The following AUTS2 variants were observed in gnomAD, a reference collection of about 807,000 sequenced individuals.
AUTS2 encodes activator of transcription and developmental regulator AUTS2, also known as autism susceptibility gene 2 protein.
AUTS2 carries 17 observed loss-of-function variants against 112.4 expected under a neutral mutation model. That is an observed-to-expected ratio of 0.15 (90% CI 0.10 to 0.23). The LOEUF (loss-of-function observed/expected upper bound fraction) is 0.23, where lower values mean the gene tolerates loss of function less well. Ranked by LOEUF, AUTS2 falls within the 10% of genes least tolerant of loss-of-function variation. The probability of loss-of-function intolerance (pLI) is 1.00; values close to 1 mark genes in which losing one functional copy is unlikely to be tolerated. For synonymous variants in AUTS2, 751 were observed against 702.7 expected (o/e 1.07, Z -1.09); for missense variants, 1,510 against 1,701.6 (o/e 0.89, Z 1.98).
At chr7:70,399,198 C>T (rs142704506) in intron 4 of AUTS2, among the ~76,000 whole-genome samples, 8 of 151,752 alleles carry the variant, frequency 5.3e-5, no homozygotes, top group South Asian at 2.1e-4. Context: ...CTAGGTTGCC[C>T]AGGCTGGTCT....
intron 6 of AUTS2, among the ~76,000 whole-genome samples, chr7:70,727,772 T>C (rs1210870163): frequency 6.6e-6 from 1 of 152,218 alleles, no homozygotes; most frequent in Non-Finnish European, 1.5e-5. Flanking sequence ...GGCAGTAAAT[T>C]TCAGACCTGA....
chr7:70,375,478 C>T (rs988435009), intron 4 of AUTS2, among the ~76,000 whole-genome samples: 3 of 152,180 alleles, frequency 2.0e-5, no homozygotes, highest in African/African-American at 4.8e-5. Context: ...GCCAATTTTA[C>T]GTCCAACTAG....
chr7:70,018,659 G>A (rs377379483), intron 2 of AUTS2, among the ~76,000 whole-genome samples: 2 of 152,270 alleles, frequency 1.3e-5, no homozygotes, highest in South Asian at 4.1e-4. Flanking sequence ...GACTTAAGTT[G>A]TACTTTATAA....
intron 6 of AUTS2, among the ~76,000 whole-genome samples, chr7:70,713,057 A>G (rs551660807): frequency 4.2e-4 from 64 of 152,320 alleles, no homozygotes; most frequent in African/African-American, 1.5e-3. Flanking sequence ...CTAGGCCTGT[A>G]CCTAGGGCTC....
intron 4 of AUTS2, among the ~76,000 whole-genome samples, chr7:70,361,424 A>G (rs1792260843): frequency 6.6e-6 from 1 of 151,904 alleles, no homozygotes; most frequent in Admixed American, 6.6e-5. Context: ...CTCAGTGTTC[A>G]TTTGTCATTA....
Position 69,899,283 on chromosome 7 carries a change from C to T in AUTS2, c.310-3C>T, listed in dbSNP as rs868794026. 2.5e-6 allele frequency: 4 copies of T among 1,610,082 alleles called. No homozygotes were observed. The Middle Eastern group carries it at 5.0e-4, about 200-fold the overall frequency. On this transcript the variant is annotated splice_region_variant and splice_polypyrimidine_tract_variant and intron_variant, in intron 1 of 18. Coordinates refer to ENST00000342771, the MANE Select transcript of AUTS2 (RefSeq NM_015570.4). Reference sequence around the variant, plus strand: ...TTCCCTTTCCTTCTCTTCTTTTCTACAGAAAGATGTAGCACTTAAGCCTCA... The same window carrying T: ...TTCCCTTTCCTTCTCTTCTTTTCTATAGAAAGATGTAGCACTTAAGCCTCA...
chr7:70,512,458 G>A (rs1205908698), intron 5 of AUTS2, among the ~76,000 whole-genome samples: 1 of 152,124 alleles, frequency 6.6e-6, no homozygotes, highest in Non-Finnish European at 1.5e-5. Context: ...AGGAGGTAAC[G>A]CTTCAAGTGG....
At chr7:69,644,300 C>G (rs1353213606) in intron 1 of AUTS2, among the ~76,000 whole-genome samples, 1 of 151,820 alleles carries the variant, frequency 6.6e-6, no homozygotes, top group Non-Finnish European at 1.5e-5. Flanking sequence ...GAGCTTTGGT[C>G]ATAACTATTT....
At chr7:69,781,376 T>A (rs1318383642) in intron 1 of AUTS2, among the ~76,000 whole-genome samples, 1 of 152,172 alleles carries the variant, frequency 6.6e-6, no homozygotes, top group Non-Finnish European at 1.5e-5. Flanking sequence ...GGGGGCCAAT[T>A]TATGGTATTG....
Position 69,889,388 on chromosome 7 carries a change from C to A in AUTS2, c.310-9898C>A, listed in dbSNP as rs558812148. On this transcript the variant is annotated intron_variant, in intron 1 of 18. Coordinates refer to ENST00000342771, the MANE Select transcript of AUTS2 (RefSeq NM_015570.4). ...TAATTCTTTTCCTATCTTTTGCATA[C>A]AGTGCTTAATCAAAAAATGAATAAT... Among the ~76,000 whole-genome samples, 3 of 152,296 alleles carry A rather than the reference C, an allele frequency of 2.0e-5. No homozygotes were observed. The South Asian group carries it at 6.2e-4, about 32-fold the overall frequency.
chr7:70,569,464 A>T (rs922188433), intron 5 of AUTS2, among the ~76,000 whole-genome samples: 7 of 152,214 alleles, frequency 4.6e-5, no homozygotes, highest in Admixed American at 3.3e-4. Flanking sequence ...AAGACTAAAC[A>T]TTGCATTTGC....
intron 1 of AUTS2, among the ~76,000 whole-genome samples, chr7:69,638,787 A>T (rs1794669136): frequency 1.3e-5 from 2 of 152,230 alleles, no homozygotes. Flanking sequence ...CTGCCTAGAA[A>T]CAAAAGATTT....
At chr7:70,221,054 CACCACCATG>C (rs1811456964) in intron 4 of AUTS2, among the ~76,000 whole-genome samples, 3 of 152,280 alleles carry the variant, frequency 2.0e-5, no homozygotes, top group Admixed American at 2.0e-4. Context: ...ATGTGTGTTT[CACCACCATG>C]TTTGGCTAAT....
chr7:69,887,794 T>C (rs1424170227), intron 1 of AUTS2, among the ~76,000 whole-genome samples: 2 of 152,188 alleles, frequency 1.3e-5, no homozygotes, highest in African/African-American at 4.8e-5. Flanking sequence ...GGTACTGAGA[T>C]CCAGTAAATT....
chr7:70,265,468 C>T (rs1787374277), intron 4 of AUTS2, among the ~76,000 whole-genome samples: 2 of 152,116 alleles, frequency 1.3e-5, no homozygotes, highest in South Asian at 4.1e-4. Context: ...GAAAGATAAT[C>T]ACTGGGAGGT....
At chr7:70,048,684 C>G (rs1307392424) in intron 2 of AUTS2, among the ~76,000 whole-genome samples, 1 of 152,100 alleles carries the variant, frequency 6.6e-6, no homozygotes, top group Non-Finnish European at 1.5e-5. Flanking sequence ...TGAAATTTTG[C>G]AAATCATCAT....
At chr7:69,806,125 G>A (rs1584271907) in intron 1 of AUTS2, among the ~76,000 whole-genome samples, 1 of 149,096 alleles carries the variant, frequency 6.7e-6, no homozygotes, top group Admixed American at 6.7e-5. Context: ...GCCCAGGCTG[G>A]TCTCAAGCGG....
chr7:69,717,727 T>A (rs957644239), intron 1 of AUTS2, among the ~76,000 whole-genome samples: 2 of 152,256 alleles, frequency 1.3e-5, no homozygotes, highest in Non-Finnish European at 2.9e-5. Flanking sequence ...AGTGTTTCCT[T>A]ATTGAAGGGG....
chr7:69,728,468 G>T (rs1786625302), intron 1 of AUTS2, among the ~76,000 whole-genome samples: 1 of 152,126 alleles, frequency 6.6e-6, no homozygotes, highest in Non-Finnish European at 1.5e-5. Context: ...TGCCTGTGTG[G>T]GTTTTTTGCT....
Sources: gnomAD v4.1 joint callset for allele counts (sites outside exome capture counted in the v4.1 genomes callset) on GRCh38, gnomAD v4.1.1 for gene constraint, MANE v1.5 for transcripts, NCBI Gene and HGNC (gene_info 2026-07-23, HGNC 2026-07-21) for gene names.